Variants in CFAP54 observed in about 807,000 individuals in gnomAD.
CFAP54 encodes the protein cilia- and flagella-associated protein 54.
A neutral mutation model predicts 370.4 loss-of-function variants in CFAP54; 290 were observed. The observed-to-expected ratio is 0.78, with a 90% CI of 0.71 to 0.86. The LOEUF (loss-of-function observed/expected upper bound fraction) is 0.86. Among genes scored for constraint, CFAP54 ranks in the 40% least tolerant of loss-of-function variants. The pLI, the probability that CFAP54 is intolerant of heterozygous loss-of-function variation, is 0.00. For missense variants in CFAP54, 3,399 were observed against 3,528.7 expected (o/e 0.96, Z 0.93); for synonymous variants, 1,206 against 1,236.5 (o/e 0.98, Z 0.52).
chr12:96,588,687 C>G (rs1000586494), intron 22 of CFAP54, among the ~76,000 whole-genome samples: 4 of 151,710 alleles, frequency 2.6e-5, no homozygotes, highest in Non-Finnish European at 4.4e-5. Context: ...TAGCTGTTTC[C>G]ATAAAGGATT....
chr12:96,851,214 A>G (rs889623096), intron 66 of CFAP54, among the ~76,000 whole-genome samples: 8 of 152,284 alleles, frequency 5.3e-5, no homozygotes, highest in Middle Eastern at 6.8e-3. Context: ...TGCTTTGACT[A>G]TGAAATAAAT....
intron 39 of CFAP54, among the ~76,000 whole-genome samples, chr12:96,674,727 T>G (rs1957185140): frequency 6.6e-6 from 1 of 152,190 alleles, no homozygotes; most frequent in African/African-American, 2.4e-5. Flanking sequence ...AAATAAAAAT[T>G]TTCAGATTTT....
At chr12:96,670,128 A>G (rs1565936534) in intron 39 of CFAP54, among the ~76,000 whole-genome samples, 3 of 152,262 alleles carry the variant, frequency 2.0e-5, no homozygotes, top group Non-Finnish European at 2.9e-5. Context: ...GTCAGAAAAC[A>G]TAATTTTAAT....
chr12:96,655,994 A>T (rs1455137360), intron 36 of CFAP54, among the ~76,000 whole-genome samples: 1 of 152,168 alleles, frequency 6.6e-6, no homozygotes, highest in East Asian at 1.9e-4. Flanking sequence ...TATAATTCAA[A>T]ATAATGGGGG....
intron 65 of CFAP54, among the ~76,000 whole-genome samples, chr12:96,820,331 T>G (rs1275753577): frequency 6.6e-6 from 1 of 152,210 alleles, no homozygotes; most frequent in Non-Finnish European, 1.5e-5. Context: ...CTTGTTTACC[T>G]CATCTATACA....
At chr12:96,742,898 A>G (rs1958068220) in intron 52 of CFAP54, among the ~76,000 whole-genome samples, 1 of 152,196 alleles carries the variant, frequency 6.6e-6, no homozygotes, top group South Asian at 2.1e-4. Flanking sequence ...ACTGGAGCCA[A>G]CCCACTTGGG....
chr12:96,660,538 C>CCAGAAGAG (rs2136516772), intron 38 of CFAP54, among the ~76,000 whole-genome samples: 1 of 152,102 alleles, frequency 6.6e-6, no homozygotes, highest in East Asian at 1.9e-4. Flanking sequence ...CAAAGTTCAA[C>CCAGAAGAG]CAGAAGAGCA....
chr12:96,664,708 T>G (rs1307029505), intron 39 of CFAP54, among the ~76,000 whole-genome samples: 276 of 27,190 alleles, frequency 0.01, 6 homozygotes, highest in African/African-American at 0.065. Flanking sequence ...TATATATATA[T>G]ATATATCTAT....
At chr12:96,582,673 C>G (rs1218131032) in intron 22 of CFAP54, among the ~76,000 whole-genome samples, 1 of 152,060 alleles carries the variant, frequency 6.6e-6, no homozygotes, top group East Asian at 1.9e-4. Flanking sequence ...TGGTTTGACT[C>G]TTGGGCTTAA....
intron 33 of CFAP54, among the ~76,000 whole-genome samples, chr12:96,644,737 G>A (rs769689095): frequency 1.3e-5 from 2 of 152,090 alleles, no homozygotes; most frequent in Non-Finnish European, 2.9e-5. Context: ...CTCATAAAAC[G>A]ATCAGATCTT....
At chr12:96,746,418 C>G (rs1340709304) in intron 55 of CFAP54, among the ~76,000 whole-genome samples, 1 of 152,086 alleles carries the variant, frequency 6.6e-6, no homozygotes, top group Non-Finnish European at 1.5e-5. Context: ...AGAAATCACT[C>G]TTGAGTTCAT....
At chr12:96,765,363 A>G (rs1958391725) in intron 60 of CFAP54, 145 bp downstream of exon 60, 5 of 597,476 alleles carry the variant, frequency 8.4e-6, no homozygotes, top group Non-Finnish European at 1.3e-5. Context: ...TAGGGGTCCT[A>G]GGGCCAAAAT....
chr12:96,599,072 A>G (rs998572920), intron 26 of CFAP54, among the ~76,000 whole-genome samples: 13 of 152,250 alleles, frequency 8.5e-5, no homozygotes, highest in African/African-American at 3.1e-4. Flanking sequence ...GGTTTGTTAC[A>G]TAGGTATACA....
At chr12:96,550,501 T>C (rs888568126) in intron 15 of CFAP54, among the ~76,000 whole-genome samples, 50 of 152,092 alleles carry the variant, frequency 3.3e-4, no homozygotes, top group African/African-American at 1.2e-3. Flanking sequence ...TGCTTGAACC[T>C]GGGAGGCGGA....
intron 19 of CFAP54, among the ~76,000 whole-genome samples, chr12:96,569,937 T>C (rs1955897955): frequency 6.6e-6 from 1 of 152,186 alleles, no homozygotes; most frequent in Non-Finnish European, 1.5e-5. Flanking sequence ...CTGATTTTTT[T>C]TTAGGGGGGA....
intron 3 of CFAP54, among the ~76,000 whole-genome samples, chr12:96,506,457 CCTAT>C (rs1412318162): frequency 8.6e-5 from 13 of 150,960 alleles, no homozygotes; most frequent in Non-Finnish European, 1.5e-4. Context: ...TTTAAAGAAA[CCTAT>C]CTTTTTTTTT....
At chr12:96,730,188 G>A (rs1253689445) in intron 50 of CFAP54, among the ~76,000 whole-genome samples, 2 of 152,240 alleles carry the variant, frequency 1.3e-5, no homozygotes, top group Middle Eastern at 6.8e-3. Flanking sequence ...AAATTGTGGG[G>A]TCCAAATTGA....
intron 14 of CFAP54, among the ~76,000 whole-genome samples, chr12:96,546,960 C>T (rs1018998579): frequency 3.3e-5 from 5 of 152,156 alleles, no homozygotes; most frequent in Middle Eastern, 3.4e-3. Flanking sequence ...TAAAATGTTT[C>T]ATTTCTGAAG....
intron 26 of CFAP54, among the ~76,000 whole-genome samples, chr12:96,610,208 G>A (rs1264763378): frequency 2.0e-5 from 3 of 152,220 alleles, no homozygotes; most frequent in African/African-American, 4.8e-5. Flanking sequence ...TTGAGAAAAT[G>A]ATAGTGTGTT....
Sources: gnomAD v4.1 joint callset for allele counts (sites outside exome capture counted in the v4.1 genomes callset) on GRCh38, gnomAD v4.1.1 for gene constraint, MANE v1.5 for transcripts, NCBI Gene and HGNC (gene_info 2026-07-23, HGNC 2026-07-21) for gene names.